The following RYR3 variants were observed in gnomAD, a reference collection of about 807,000 sequenced individuals.
RYR3 encodes ryanodine receptor 3, also known as brain ryanodine receptor-calcium release channel.
RYR3 carries 207 observed loss-of-function variants against 584.3 expected under a neutral mutation model. The observed-to-expected ratio is 0.35, with a 90% CI of 0.32 to 0.40. The LOEUF is 0.40. Ranked by LOEUF, RYR3 falls within the 10% of genes least tolerant of loss-of-function variation. The pLI, the probability that RYR3 is intolerant of heterozygous loss-of-function variation, is 1.00. For missense variants in RYR3, 5,616 were observed against 6,089.2 expected (o/e 0.92, Z 2.59); for synonymous variants, 2,416 against 2,248.5 (o/e 1.07, Z -2.11).
chr15:33,572,658 T>TATACACACACAC (rs533341248), intron 12 of RYR3, among the ~76,000 whole-genome samples: 89 of 124,512 alleles, frequency 7.1e-4, no homozygotes, highest in African/African-American at 2.7e-3. Context: ...AAACTATATA[T>TATACACACACAC]ACACACACAC....
At chr15:33,526,861 C>T (rs1238515361) in intron 3 of RYR3, among the ~76,000 whole-genome samples, 1 of 152,088 alleles carries the variant, frequency 6.6e-6, no homozygotes, top group African/African-American at 2.4e-5. Flanking sequence ...GAAAATGTGA[C>T]AGAGTAAGGA....
chr15:33,584,120 C>G (rs770560593), intron 14 of RYR3, among the ~76,000 whole-genome samples: 6 of 152,060 alleles, frequency 3.9e-5, no homozygotes, highest in Non-Finnish European at 7.4e-5. Context: ...TGCCTGTAGT[C>G]TCAGCTACTC....
intron 1 of RYR3, among the ~76,000 whole-genome samples, chr15:33,397,289 C>T (rs1441617127): frequency 6.6e-6 from 1 of 152,120 alleles, no homozygotes; most frequent in East Asian, 1.9e-4. Flanking sequence ...CAGCAGGTTA[C>T]AAAAGGAGCT....
chr15:33,534,848 A>T (rs1316023466), intron 5 of RYR3, among the ~76,000 whole-genome samples: 1 of 152,178 alleles, frequency 6.6e-6, no homozygotes, highest in African/African-American at 2.4e-5. Flanking sequence ...ATTCATGAAC[A>T]ATCTGACCAT....
At chr15:33,420,184 G>A (rs560399494) in intron 1 of RYR3, among the ~76,000 whole-genome samples, 9 of 152,316 alleles carry the variant, frequency 5.9e-5, no homozygotes, top group African/African-American at 1.9e-4. Context: ...CTTGTTTTAA[G>A]AATTTGCATT....
In RYR3 at chr15:33,785,692, T is replaced by C. The variant is rs1331381761; in HGVS notation, c.9299T>C (p.Met3100Thr). 6.2e-7 allele frequency: 1 copy of C among 1,609,372 alleles called. No individual in the cohort carries two copies. The highest frequency in any genetic ancestry group is 1.1e-5 in the South Asian group (1 of 90,082). Reference protein sequence around the residue: ...ILGMPDTVEDMCPDIPQLEGL... With the variant: ...ILGMPDTVEDTCPDIPQLEGL... ...GGGATGCCAGACACGGTAGAAGACATGTGTCCTGACATCCCCCAGCTGGAA... is the reference window on the plus strand; with the variant it reads ...GGGATGCCAGACACGGTAGAAGACACGTGTCCTGACATCCCCCAGCTGGAA... The change falls in exon 66 of 104, where the codon ATG becomes ACG. Residue 3100 changes from methionine to threonine, a missense_variant. Transcript: ENST00000634891.
intron 17 of RYR3, among the ~76,000 whole-genome samples, chr15:33,602,460 A>T (rs1268406609): frequency 6.6e-6 from 1 of 152,136 alleles, no homozygotes; most frequent in Non-Finnish European, 1.5e-5. Context: ...TTCGGTAACA[A>T]AGCTGCTATA....
intron 2 of RYR3, among the ~76,000 whole-genome samples, chr15:33,478,273 G>A (rs974678108): frequency 1.3e-5 from 2 of 152,156 alleles, no homozygotes; most frequent in Non-Finnish European, 2.9e-5. Context: ...TTCAGGGGCT[G>A]GCTTCTGGAT....
chr15:33,439,998 T>C (rs1567240367), intron 1 of RYR3, among the ~76,000 whole-genome samples: 1 of 152,286 alleles, frequency 6.6e-6, no homozygotes, highest in Non-Finnish European at 1.5e-5. Flanking sequence ...ATTTTAAAAT[T>C]GAGTCTAGGC....
At chr15:33,558,907 G>A (rs1286113764) in intron 10 of RYR3, among the ~76,000 whole-genome samples, 1 of 152,166 alleles carries the variant, frequency 6.6e-6, no homozygotes, top group African/African-American at 2.4e-5. Context: ...AGAGAGTGAG[G>A]GGAAGCTGGG....
chr15:33,445,563 G>A (rs2046565303), intron 1 of RYR3, among the ~76,000 whole-genome samples: 1 of 151,534 alleles, frequency 6.6e-6, no homozygotes, highest in African/African-American at 2.4e-5. Flanking sequence ...AAATTCTGGG[G>A]AACCTACACT....
At chr15:33,561,341 A>C (rs2057387626) in intron 10 of RYR3, among the ~76,000 whole-genome samples, 1 of 152,214 alleles carries the variant, frequency 6.6e-6, no homozygotes, top group Non-Finnish European at 1.5e-5. Flanking sequence ...TCCTTTACAG[A>C]GGTAACCTCT....
chr15:33,665,965 A>G (rs2063472841), intron 36 of RYR3, among the ~76,000 whole-genome samples: 1 of 152,166 alleles, frequency 6.6e-6, no homozygotes, highest in African/African-American at 2.4e-5. Flanking sequence ...CATCAGAATC[A>G]TCTAAAGGGC....
chr15:33,564,956 GA>G (rs1429471222), intron 11 of RYR3, among the ~76,000 whole-genome samples: 1 of 152,142 alleles, frequency 6.6e-6, no homozygotes, highest in Non-Finnish European at 1.5e-5. Flanking sequence ...TATGTTTTAT[GA>G]AATGAACAAA....
chr15:33,789,720 G>A, intron 67 of RYR3, among the ~76,000 whole-genome samples: 1 of 109,300 alleles, frequency 9.1e-6, no homozygotes, highest in East Asian at 2.9e-4. Context: ...CGTCACCCAG[G>A]CTGGAGTGCA....
At position 33,788,453 on chromosome 15, in the gene RYR3, C is replaced by T. The variant is rs1233727975; in HGVS notation, c.9825C>T (p.Asn3275=). The T allele has an allele frequency of 6.2e-7, 1 of 1,613,696 alleles. No homozygotes were observed. The highest frequency in any genetic ancestry group is 1.7e-5 in the Admixed American group (1 of 60,022). ...CCATGCTGATCCGCTACGTGGACAA[C>T]AACAGGTACGGAGGAGAGCACTAGG... ...FYPMLIRYVD[N]NRSNWLKSPD... Residue 3275 remains asparagine (N), a synonymous_variant, in exon 67 of 104, where the codon AAC becomes AAT. Coordinates refer to ENST00000634891, the MANE Select transcript of RYR3 (RefSeq NM_001036.6).
intron 60 of RYR3, among the ~76,000 whole-genome samples, chr15:33,760,723 A>G (rs2072348194): frequency 1.3e-5 from 2 of 152,158 alleles, no homozygotes; most frequent in Non-Finnish European, 2.9e-5. Flanking sequence ...TATGCAGGAC[A>G]TGAACTCAGC....
At chr15:33,493,504 G>C (rs2051153001) in intron 2 of RYR3, among the ~76,000 whole-genome samples, 1 of 152,282 alleles carries the variant, frequency 6.6e-6, no homozygotes, top group South Asian at 2.1e-4. Flanking sequence ...ACCATATAAA[G>C]AGTCAGTGTT....
chr15:33,723,848 T>G (rs149864289), intron 44 of RYR3, among the ~76,000 whole-genome samples: 98 of 152,326 alleles, frequency 6.4e-4, no homozygotes, highest in Non-Finnish European at 1.2e-3. Flanking sequence ...GCCTTAAGAT[T>G]CATGGAATCC....
Sources: gnomAD v4.1 joint callset for allele counts (sites outside exome capture counted in the v4.1 genomes callset) on GRCh38, gnomAD v4.1.1 for gene constraint, MANE v1.5 for transcripts, NCBI Gene and HGNC (gene_info 2026-07-23, HGNC 2026-07-21) for gene names.